The following MYH11 variants were observed in gnomAD, a reference collection of about 807,000 sequenced individuals.
MYH11 encodes myosin-11.
Under a neutral mutation model 246.6 loss-of-function variants are expected in MYH11, and 80 were observed. The ratio of observed to expected loss-of-function variants is 0.32; its 90% CI spans 0.27 to 0.39. The LOEUF (loss-of-function observed/expected upper bound fraction) is 0.39, where lower values mean the gene tolerates loss of function less well. Among genes scored for constraint, MYH11 ranks in the 10% least tolerant of loss-of-function variants. The pLI, the probability that MYH11 is intolerant of heterozygous loss-of-function variation, is 1.00. For synonymous variants in MYH11, 1,071 were observed against 1,015.5 expected (o/e 1.05, Z -1.04); for missense variants, 2,158 against 2,546.8 (o/e 0.85, Z 3.29).
At chr16:15,727,505 T>C (rs1339396671) in intron 27 of MYH11, among the ~76,000 whole-genome samples, 1 of 152,086 alleles carries the variant, frequency 6.6e-6, no homozygotes, top group African/African-American at 2.4e-5. Context: ...CCAGCTGATA[T>C]TTTGGATTCT....
rs112161189 is a variant in MYH11, at chr16:15,771,585, G to A, written c.1017C>T (p.Ser339=). The part of the protein sequence containing the change: ...TVEAMAIMGF[S]EEEQLSILKV... ...GAGGCTTACATAGCTGCTCCTCCTC[G>A]CTGAAACCCATGATTGCCATGGCCT... The change falls in exon 9 of 41, where the codon AGC becomes AGT. Residue 339 remains serine (S), a synonymous_variant. Transcript: ENST00000300036. The A allele has an allele frequency of 1.6e-4, 263 of 1,613,696 alleles. No individual in the cohort carries two copies. Among genetic ancestry groups the A allele is most frequent in the Middle Eastern group, 1.2e-3 (7 of 6,012 alleles).
At position 15,708,806 on chromosome 16, in the gene MYH11, G is replaced by C. The variant is rs886038393; in HGVS notation, c.5787-4683C>G. On this transcript the variant is annotated intron_variant, in intron 40 of 40. Transcript: ENST00000300036. ...TGCGAAGCTGAAGGCATGATACCTG[G>C]TGCATCACTGCGAAGTTTCCTGTGG... 6.2e-7 allele frequency: 1 copy of C among 1,608,034 alleles called. No individual in the cohort carries two copies. The highest frequency in any genetic ancestry group is 8.5e-7 in the Non-Finnish European group (1 of 1,177,700).
At chr16:15,828,003 T>A (rs936359199) in intron 2 of MYH11, among the ~76,000 whole-genome samples, 2 of 152,174 alleles carry the variant, frequency 1.3e-5, no homozygotes, top group Non-Finnish European at 2.9e-5. Flanking sequence ...CCCTTTTGAA[T>A]GTAGGTATCA....
chr16:15,753,369 T>A (rs780320139), intron 15 of MYH11, 25 bp downstream of exon 15: 1 of 1,599,340 alleles, frequency 6.3e-7, no homozygotes, highest in South Asian at 1.1e-5. Flanking sequence ...AAGCAGAACA[T>A]GGACCCGAGC....
intron 1 of MYH11, among the ~76,000 whole-genome samples, chr16:15,843,874 GTGA>G (rs756127996): frequency 1.8e-4 from 28 of 152,072 alleles, no homozygotes; most frequent in Non-Finnish European, 4.0e-4. Flanking sequence ...CAGCTTCCGG[GTGA>G]TGATGATGAT....
At chr16:15,780,433 C>A (rs908763022) in intron 6 of MYH11, among the ~76,000 whole-genome samples, 46 of 149,840 alleles carry the variant, frequency 3.1e-4, no homozygotes, top group Admixed American at 8.7e-4. Flanking sequence ...TTGTAATTAG[C>A]CAGGCTTAGA....
chr16:15,756,913 C>T (rs1205648624), intron 13 of MYH11, among the ~76,000 whole-genome samples: 1 of 150,780 alleles, frequency 6.6e-6, no homozygotes, highest in Non-Finnish European at 1.5e-5. Flanking sequence ...ATTCTCCTGC[C>T]TCAGCCTCCC....
rs2040005912 is a variant in MYH11, at chr16:15,714,531, C to CAGGAAGGAGGTGAAGTGGCGGGG, written c.5786+355_5786+377dup. ...GGGAGAAAGGAGGAGCAGAGCATGTCAGGAAGGAGGTGAAGTGGCGGGGGG... is the reference window on the plus strand; with the variant it reads ...GGGAGAAAGGAGGAGCAGAGCATGTCAGGAAGGAGGTGAAGTGGCGGGGAGGAAGGAGGTGAAGTGGCGGGGGG... On this transcript the variant is annotated intron_variant, in intron 40 of 40. Coordinates refer to ENST00000300036, the MANE Select transcript of MYH11 (RefSeq NM_002474.3). 8.0e-6 allele frequency: 3 copies of CAGGAAGGAGGTGAAGTGGCGGGG among 377,272 alleles called. No individual in the cohort carries two copies. In the South Asian group the frequency reaches 8.0e-5, roughly 10 times the overall value. 23.4% of individuals were successfully genotyped at this position (377,272 alleles called of 1,614,324 possible).
chr16:15,753,898 A>C (rs1213702861), intron 14 of MYH11, among the ~76,000 whole-genome samples: 1 of 151,936 alleles, frequency 6.6e-6, no homozygotes, highest in Non-Finnish European at 1.5e-5. Context: ...CTTCCCAATC[A>C]TCCTGGTTTA....
At chr16:15,814,139 C>CAA (rs200692122) in intron 3 of MYH11, among the ~76,000 whole-genome samples, 4 of 63,242 alleles carry the variant, frequency 6.3e-5, no homozygotes, top group African/African-American at 9.6e-5. Context: ...ACTCCATCCC[C>CAA]CAAAAAAAAA....
At chr16:15,849,510 C>T (rs2044278097) in intron 1 of MYH11, among the ~76,000 whole-genome samples, 1 of 152,120 alleles carries the variant, frequency 6.6e-6, no homozygotes, top group Admixed American at 6.6e-5. Context: ...GGCGCGATCT[C>T]TGCTTTCTGC....
chr16:15,760,117 C>T (rs1039630296), intron 11 of MYH11, among the ~76,000 whole-genome samples: 5 of 151,916 alleles, frequency 3.3e-5, no homozygotes, highest in Non-Finnish European at 4.4e-5. Flanking sequence ...AACAAACAAA[C>T]AAACAAAACC....
At chr16:15,829,222 A>G (rs575706278) in intron 2 of MYH11, among the ~76,000 whole-genome samples, 20 of 152,218 alleles carry the variant, frequency 1.3e-4, no homozygotes, top group Admixed American at 9.8e-4. Context: ...TTTAAAAAGA[A>G]GGAAGGACCA....
chr16:15,760,177 G>C, intron 11 of MYH11, among the ~76,000 whole-genome samples: 1 of 152,124 alleles, frequency 6.6e-6, no homozygotes, highest in East Asian at 1.9e-4. Context: ...GGGATAAAGA[G>C]ATGGATGGGT....
At chr16:15,799,877 T>C (rs1006902840) in intron 3 of MYH11, among the ~76,000 whole-genome samples, 6 of 152,174 alleles carry the variant, frequency 3.9e-5, no homozygotes, top group Non-Finnish European at 2.9e-5. Flanking sequence ...GGCACATAGA[T>C]GGTAGGTGCT....
At position 15,719,698 on chromosome 16, in the gene MYH11, A is replaced by G; in HGVS notation, c.4969T>C (p.Phe1657Leu). 1.2e-6 allele frequency: 2 copies of G among 1,614,122 alleles called. No homozygotes were observed. Among genetic ancestry groups the G allele is most frequent in the Non-Finnish European group, 1.7e-6 (2 of 1,180,030 alleles). ...LRKLQAQMKD[F>L]QRELEDARAS... ...CGGGCATCTTCCAGCTCTCTTTGAA[A>G]GTCCTTCATCTGAGCCTGCATGAGT... is the stretch of plus-strand genomic sequence containing the variant. Residue 1657 changes from phenylalanine (F) to leucine (L), a missense_variant, in exon 35 of 41, where the codon TTT becomes CTT. Around this residue, in one of 11 missense-constraint regions of MYH11, gnomAD observed 1,013 missense variants for 993.5 expected, o/e 1.02. Transcript: ENST00000300036.
rs1383310134 is a variant in MYH11, at chr16:15,721,552, G to A, written c.4448C>T (p.Thr1483Ile). ...GGCCCGAGCCAGGGACAGGGCCTTG[G>A]TTTCCTTCTCCCTGGCTTCTGCCTC... ...RAEAEAREKE[T>I]KALSLARALE... The change falls in exon 32 of 41, where the codon ACC becomes ATC. Residue 1483 changes from threonine (T) to isoleucine (I), a missense_variant. Around this residue, in one of 11 missense-constraint regions of MYH11, gnomAD observed 1,013 missense variants for 993.5 expected, o/e 1.02. Transcript: ENST00000300036. The A allele has an allele frequency of 1.2e-6, 2 of 1,614,198 alleles. No individual in the cohort carries two copies. The highest frequency in any genetic ancestry group is 1.7e-5 in the Admixed American group (1 of 60,012).
At chr16:15,764,988 C>T (rs2041950085) in intron 9 of MYH11, among the ~76,000 whole-genome samples, 2 of 152,224 alleles carry the variant, frequency 1.3e-5, no homozygotes, top group African/African-American at 2.4e-5. Flanking sequence ...GGCCATGTTA[C>T]TGTTAAAATA....
At chr16:15,809,270 A>T (rs1021436731) in intron 3 of MYH11, among the ~76,000 whole-genome samples, 1 of 152,102 alleles carries the variant, frequency 6.6e-6, no homozygotes, top group Non-Finnish European at 1.5e-5. Context: ...GGTGGATCAC[A>T]TCTGTAATTC....
Sources: allele counts gnomAD v4.1 joint callset (sites outside exome capture counted in the v4.1 genomes callset), GRCh38; gene constraint gnomAD v4.1.1; regional missense constraint gnomAD v4.1.1; transcripts MANE v1.5; gene names NCBI Gene and HGNC (gene_info 2026-07-23, HGNC 2026-07-21).